VWC2L: variants seen among roughly 807,000 people sequenced by gnomAD.
The protein encoded by VWC2L is von Willebrand factor C domain-containing protein 2-like.
Under a neutral mutation model 21.6 loss-of-function variants are expected in VWC2L, and 10 were observed. The ratio of observed to expected loss-of-function variants is 0.46; its 90% CI spans 0.29 to 0.78. The LOEUF (loss-of-function observed/expected upper bound fraction) is 0.78. Ranked by LOEUF, VWC2L falls within the 30% of genes least tolerant of loss-of-function variation. The probability of loss-of-function intolerance (pLI) is 0.10; values close to 1 mark genes in which losing one functional copy is unlikely to be tolerated. For synonymous variants in VWC2L, 96 were observed against 94.3 expected, an observed-to-expected ratio of 1.02 and a Z score of -0.10; for missense variants, 209 against 277.1, an observed-to-expected ratio of 0.75 and a Z score of 1.74.
chr2:214,531,409 T>C (rs1461656053), intron 3 of VWC2L, among the ~76,000 whole-genome samples: 1 of 152,168 alleles, frequency 6.6e-6, no homozygotes, highest in Non-Finnish European at 1.5e-5. Flanking sequence ...GAGTCCTTCT[T>C]CCAAATGTAT....
chr2:214,472,260 A>C (rs1191099222), intron 3 of VWC2L: 1 of 152,224 alleles, frequency 6.6e-6, no homozygotes, highest in African/African-American at 2.4e-5. Flanking sequence ...CTGAAGAAGG[A>C]GATAGATATC....
intron 3 of VWC2L, among the ~76,000 whole-genome samples, chr2:214,551,284 GTT>G (rs1689790698): frequency 6.6e-6 from 1 of 152,050 alleles, no homozygotes; most frequent in South Asian, 2.1e-4. Flanking sequence ...AAAGAATATC[GTT>G]CTGATCTTTT....
At chr2:214,572,085 C>G (rs1330894989) in intron 3 of VWC2L, among the ~76,000 whole-genome samples, 1 of 152,114 alleles carries the variant, frequency 6.6e-6, no homozygotes, top group Non-Finnish European at 1.5e-5. Flanking sequence ...ACCAGCCTAC[C>G]TCCTATATTC....
chr2:214,567,389 C>T (rs1254681458), intron 3 of VWC2L, among the ~76,000 whole-genome samples: 1 of 152,044 alleles, frequency 6.6e-6, no homozygotes, highest in Non-Finnish European at 1.5e-5. Context: ...GCTAGAACCA[C>T]ATTGCCTTCC....
At chr2:214,492,392 G>T (rs1574595391) in intron 3 of VWC2L, among the ~76,000 whole-genome samples, 1 of 152,320 alleles carries the variant, frequency 6.6e-6, no homozygotes, top group South Asian at 2.1e-4. Flanking sequence ...GCTGAGACAA[G>T]CACCTTGTGA....
At chr2:214,479,036 A>G (rs1261553592) in intron 3 of VWC2L, among the ~76,000 whole-genome samples, 1 of 152,072 alleles carries the variant, frequency 6.6e-6, no homozygotes, top group Non-Finnish European at 1.5e-5. Flanking sequence ...ATTTCCTCAA[A>G]AGTCTCTTCA....
At position 214,548,709 on chromosome 2, in the gene VWC2L, T is replaced by G. The variant is rs144397437; in HGVS notation, c.521-26963T>G. Among the ~76,000 whole-genome samples the G allele has an allele frequency of 2.8e-3, 431 of 152,348 alleles. 2 individuals are homozygous for G. Among genetic ancestry groups the G allele is most frequent in the African/African-American group, 9.9e-3 (413 of 41,588 alleles). ...GTGGCCAACTATTTTAACTCATGTT[T>G]AGGCTAGACCAAGCTCTTAGCCTTC... On this transcript the variant is annotated intron_variant, in intron 3 of 3. Coordinates refer to ENST00000312504, the MANE Select transcript of VWC2L (RefSeq NM_001080500.4).
intron 3 of VWC2L, among the ~76,000 whole-genome samples, chr2:214,506,710 T>C (rs1688972406): frequency 6.8e-6 from 1 of 146,436 alleles, no homozygotes; most frequent in South Asian, 2.2e-4. Flanking sequence ...AATATCGAGT[T>C]AGAATAACAT....
chr2:214,413,447 C>T (rs948655648), intron 1 of VWC2L, among the ~76,000 whole-genome samples: 3 of 151,974 alleles, frequency 2.0e-5, no homozygotes, highest in African/African-American at 7.2e-5. Context: ...TTTATTATTT[C>T]AAATTTTCTT....
At chr2:214,575,448 TTTTTA>T (rs1205999930) in intron 3 of VWC2L, among the ~76,000 whole-genome samples, 3 of 152,190 alleles carry the variant, frequency 2.0e-5, no homozygotes, top group Admixed American at 6.5e-5. Flanking sequence ...AGATTGTCTC[TTTTTA>T]TTTAAGTTCA....
Position 214,578,969 on chromosome 2 carries a change from C to A in VWC2L, c.*3149C>A, listed in dbSNP as rs1446724155. ...TTTTGTTAAATATAAAGTGTGTTAA[C>A]CAGCAAACATTGTTTGTGGTATATT... On this transcript the variant is annotated 3_prime_UTR_variant, in exon 4 of 4. Coordinates refer to ENST00000312504, the MANE Select transcript of VWC2L (RefSeq NM_001080500.4). The A allele has an allele frequency of 6.6e-6, 1 of 151,968 alleles. No individual in the cohort carries two copies. Among genetic ancestry groups the A allele is most frequent in the Non-Finnish European group, 1.5e-5 (1 of 67,992 alleles). 9.4% of individuals were successfully genotyped at this position (151,968 alleles called of 1,614,324 possible). A position where few individuals can be genotyped will look rare whatever the true frequency, so the allele number is the denominator to read the frequency against.
intron 3 of VWC2L, among the ~76,000 whole-genome samples, chr2:214,570,198 G>A (rs1690129763): frequency 1.3e-5 from 2 of 152,042 alleles, no homozygotes; most frequent in African/African-American, 4.8e-5. Context: ...TAGAGCCCTG[G>A]GCTCTCCACA....
intron 2 of VWC2L, among the ~76,000 whole-genome samples, chr2:214,424,558 C>G (rs1476080404): frequency 6.6e-6 from 1 of 152,160 alleles, no homozygotes; most frequent in Non-Finnish European, 1.5e-5. Context: ...TTGGCATGCA[C>G]CATGTGATTT....
intron 3 of VWC2L, among the ~76,000 whole-genome samples, chr2:214,528,168 C>A (rs958423364): frequency 2.6e-5 from 4 of 152,090 alleles, no homozygotes; most frequent in Non-Finnish European, 5.9e-5. Flanking sequence ...GGTCCTGAAC[C>A]CTGGAAGTAT....
intron 3 of VWC2L, among the ~76,000 whole-genome samples, chr2:214,553,323 C>A (rs1689824077): frequency 6.6e-6 from 1 of 152,194 alleles, no homozygotes; most frequent in East Asian, 1.9e-4. Context: ...GGATCATGTG[C>A]CCAAAGTGAT....
chr2:214,509,065 C>A (rs1424430553), intron 3 of VWC2L, among the ~76,000 whole-genome samples: 1 of 152,138 alleles, frequency 6.6e-6, no homozygotes, highest in East Asian at 1.9e-4. Context: ...GGAGATTTCT[C>A]ACTGAATTGC....
chr2:214,441,874 G>A (rs1434002758), intron 3 of VWC2L, among the ~76,000 whole-genome samples: 1 of 150,210 alleles, frequency 6.7e-6, no homozygotes, highest in African/African-American at 2.4e-5. Context: ...AATAAAATAT[G>A]TATCTTATAA....
In VWC2L at chr2:214,414,322, G is replaced by T; in HGVS notation, c.129G>T (p.Leu43=). The part of the protein sequence containing the change: ...EGDQISSNDN[L]IFDDYRGKGC... ...ACCAGATCTCCAGTAATGACAATCT[G>T]ATCTTTGATGACTATCGAGGGAAAG... is the stretch of plus-strand genomic sequence containing the variant. The change falls in exon 2 of 4, where the codon CTG becomes CTT. Residue 43 remains leucine, a synonymous_variant. Transcript: ENST00000312504. The T allele has an allele frequency of 3.7e-6, 6 of 1,613,842 alleles. No individual in the cohort carries two copies. Among genetic ancestry groups the T allele is most frequent in the Non-Finnish European group, 4.2e-6 (5 of 1,179,840 alleles).
chr2:214,536,642 GTTC>G (rs1689535100), intron 3 of VWC2L: 1 of 151,878 alleles, frequency 6.6e-6, no homozygotes, highest in Admixed American at 6.6e-5. Context: ...TTAATCTTAT[GTTC>G]TTATTATCAT....
Sources: gnomAD v4.1 joint callset for allele counts (sites outside exome capture counted in the v4.1 genomes callset) on GRCh38, gnomAD v4.1.1 for gene constraint, MANE v1.5 for transcripts, NCBI Gene and HGNC (gene_info 2026-07-23, HGNC 2026-07-21) for gene names.